CPNE5: variants seen among roughly 807,000 people sequenced by gnomAD.
CPNE5 encodes copine-5.
Under a neutral mutation model 81.1 loss-of-function variants are expected in CPNE5, and 42 were observed. The ratio of observed to expected loss-of-function variants is 0.52; its 90% CI spans 0.40 to 0.67. The LOEUF (loss-of-function observed/expected upper bound fraction) is 0.67, where lower values mean the gene tolerates loss of function less well. Ranked by LOEUF, CPNE5 falls within the 30% of genes least tolerant of loss-of-function variation. The probability of loss-of-function intolerance (pLI) is 0.00; values close to 1 mark genes in which losing one functional copy is unlikely to be tolerated. For synonymous variants in CPNE5, 313 were observed against 321.5 expected, an observed-to-expected ratio of 0.97 and a Z score of 0.28; for missense variants, 612 against 815.5, an observed-to-expected ratio of 0.75 and a Z score of 3.04.
At chr6:36,764,569 T>A (rs1276762367) in intron 11 of CPNE5, among the ~76,000 whole-genome samples, 3 of 152,144 alleles carry the variant, frequency 2.0e-5, no homozygotes, top group Non-Finnish European at 2.9e-5. Flanking sequence ...GTGACATATT[T>A]GGATTTGGCT....
chr6:36,810,283 G>C (rs539282729), intron 3 of CPNE5, among the ~76,000 whole-genome samples: 6 of 152,260 alleles, frequency 3.9e-5, no homozygotes, highest in African/African-American at 1.4e-4. Flanking sequence ...GGGATAGGAG[G>C]CTGGAGCTGA....
chr6:36,751,567 A>G (rs1764827426), intron 14 of CPNE5, among the ~76,000 whole-genome samples: 1 of 152,184 alleles, frequency 6.6e-6, no homozygotes, highest in South Asian at 2.1e-4. Flanking sequence ...AGGCAGGCGA[A>G]TCACCTGAGG....
intron 1 of CPNE5, among the ~76,000 whole-genome samples, chr6:36,831,149 G>T (rs1251966368): frequency 6.6e-6 from 1 of 151,960 alleles, no homozygotes; most frequent in Non-Finnish European, 1.5e-5. Flanking sequence ...CCGCCTCCTG[G>T]GTTCAAGCTA....
At chr6:36,815,112 C>T (rs535888794) in intron 3 of CPNE5, among the ~76,000 whole-genome samples, 3 of 149,974 alleles carry the variant, frequency 2.0e-5, no homozygotes, top group Admixed American at 6.7e-5. Flanking sequence ...GAGCAGTGAT[C>T]GTGCCATTGT....
At chr6:36,748,729 C>CA (rs1327740594) in intron 14 of CPNE5, among the ~76,000 whole-genome samples, 4 of 152,066 alleles carry the variant, frequency 2.6e-5, no homozygotes, top group Non-Finnish European at 5.9e-5. Context: ...GTTGTCTTAC[C>CA]AAAAAATTGA....
rs191455006 is a variant in CPNE5, at chr6:36,771,798, T to C, written c.737+3163A>G. On this transcript the variant is annotated intron_variant, in intron 10 of 20. Transcript: ENST00000244751. ...CCTTCTGATACTGGCACCTCCTGAG[T>C]GTCTGTTGGGTGCGTGGGTTACACT... 2.0e-4 allele frequency among the ~76,000 whole-genome samples: 30 copies of C among 151,016 alleles called. No homozygotes were observed. The East Asian group carries it at 5.7e-3, about 29-fold the overall frequency.
intron 1 of CPNE5, among the ~76,000 whole-genome samples, chr6:36,827,998 C>T (rs80171676): frequency 0.048 from 7,320 of 152,144 alleles, 358 homozygotes; most frequent in African/African-American, 0.12. Context: ...CTCCCTGCTT[C>T]CCCTTGCGGA....
chr6:36,818,296 C>T (rs1015330), intron 3 of CPNE5, among the ~76,000 whole-genome samples: 26,779 of 152,174 alleles, frequency 0.18, 2,624 homozygotes, highest in Admixed American at 0.27. Flanking sequence ...CCATTTTCTT[C>T]CATCCATACT....
At chr6:36,824,052 A>G (rs778968015) in intron 1 of CPNE5, among the ~76,000 whole-genome samples, 5 of 152,180 alleles carry the variant, frequency 3.3e-5, no homozygotes, top group Non-Finnish European at 7.3e-5. Flanking sequence ...TTTCCTCATC[A>G]GTACAATGAG....
chr6:36,814,124 T>C (rs567223348), intron 3 of CPNE5, among the ~76,000 whole-genome samples: 3 of 152,356 alleles, frequency 2.0e-5, no homozygotes, highest in South Asian at 4.1e-4. Flanking sequence ...TTATTCATGA[T>C]GTCTTTAGGG....
chr6:36,752,965 G>C, intron 14 of CPNE5, 69 bp downstream of exon 14: 1 of 1,314,780 alleles, frequency 7.6e-7, no homozygotes, highest in Non-Finnish European at 1.1e-6. Flanking sequence ...GGCCAGAGCC[G>C]GTCCTGTCGG....
chr6:36,805,646 G>A lies in CPNE5; in HGVS notation c.184-5576C>T, dbSNP rs138242022. ...GGGGAGGTGACAGGGGACCTCCCTG[G>A]GCCCCAGGGCTGGGACGGTCTCCTA... On this transcript the variant is annotated intron_variant, in intron 3 of 20. Coordinates refer to ENST00000244751, the MANE Select transcript of CPNE5 (RefSeq NM_020939.2). Among the ~76,000 whole-genome samples, 77 of 152,182 alleles carry A rather than the reference G, an allele frequency of 5.1e-4. 1 individual carries two copies. The East Asian group carries it at 0.013, about 26-fold the overall frequency.
Position 36,757,159 on chromosome 6 carries a change from G to A in CPNE5, c.856-861C>T, listed in dbSNP as rs548860051. 3.7e-5 allele frequency: 8 copies of A among 217,564 alleles called. No homozygotes were observed. The East Asian group carries it at 5.5e-4, about 15-fold the overall frequency. 13.5% of individuals were successfully genotyped at this position (217,564 alleles called of 1,614,324 possible). A position where few individuals can be genotyped will look rare whatever the true frequency, so the allele number is the denominator to read the frequency against. ...CCCTGAGGCCCCCCACGAGACTTCCGCACTTACTGTATTTGTATTCTCATT... is the reference window on the plus strand; with the variant it reads ...CCCTGAGGCCCCCCACGAGACTTCCACACTTACTGTATTTGTATTCTCATT... On this transcript the variant is annotated intron_variant, in intron 12 of 20. Transcript: ENST00000244751.
rs114861571 is a variant in CPNE5 at position 36,819,802 on chromosome 6, G to T, written c.183+2312C>A. Among the ~76,000 whole-genome samples the T allele has an allele frequency of 3.5e-3, 540 of 152,238 alleles. 1 individual carries two copies. The highest frequency in any genetic ancestry group is 5.6e-3 in the Non-Finnish European group (378 of 68,010). On this transcript the variant is annotated intron_variant, in intron 3 of 20. Transcript: ENST00000244751. ...AGACCCCAGGCGGAGTCTCTGTCAGGAGTCCACCAGCCTCCCTCCCAGGAG... is the reference window on the plus strand; with the variant it reads ...AGACCCCAGGCGGAGTCTCTGTCAGTAGTCCACCAGCCTCCCTCCCAGGAG...
At chr6:36,755,644 A>C in intron 13 of CPNE5, 1 of 155,286 alleles carries the variant, frequency 6.4e-6, no homozygotes. Flanking sequence ...ACACAGTAGC[A>C]CTCAGTAAGT....
intron 9 of CPNE5, 23 bp downstream of exon 9, chr6:36,778,824 GCAGTGCA>G: frequency 1.4e-6 from 2 of 1,418,646 alleles, no homozygotes; most frequent in Non-Finnish European, 2.0e-6. Flanking sequence ...ACGAGAAGGT[GCAGTGCA>G]CAAGTGTCCC....
At chr6:36,828,039 T>C (rs988865737) in intron 1 of CPNE5, among the ~76,000 whole-genome samples, 3 of 151,480 alleles carry the variant, frequency 2.0e-5, no homozygotes, top group African/African-American at 7.3e-5. Context: ...AGTGAGAAAA[T>C]GGTCATTCAT....
chr6:36,765,219 C>A, intron 11 of CPNE5, 116 bp downstream of exon 11: 1 of 1,096,512 alleles, frequency 9.1e-7, no homozygotes, highest in Non-Finnish European at 1.3e-6. Flanking sequence ...CAGGCTCCCT[C>A]ACCCCCAGAG....
chr6:36,777,656 A>G (rs1411244651), intron 9 of CPNE5, among the ~76,000 whole-genome samples: 2 of 152,108 alleles, frequency 1.3e-5, no homozygotes, highest in East Asian at 3.9e-4. Context: ...AAATGATCAT[A>G]CCTAATTTCC....
Sources: allele counts gnomAD v4.1 joint callset (sites outside exome capture counted in the v4.1 genomes callset), GRCh38; gene constraint gnomAD v4.1.1; transcripts MANE v1.5; gene names NCBI Gene and HGNC (gene_info 2026-07-23, HGNC 2026-07-21).